The following OR51B5 variants were observed in gnomAD, a reference collection of about 807,000 sequenced individuals.
OR51B5 encodes the protein olfactory receptor family 51 subfamily B member 5, also known as olfactory receptor 51B5.
For synonymous variants in OR51B5, 186 were observed against 144.8 expected (o/e 1.28, Z -2.04); for missense variants, 456 against 374.6 (o/e 1.22, Z -1.79).
At chr11:5,370,522 C>T (rs1849431687) in intron 1 of OR51B5, among the ~76,000 whole-genome samples, 1 of 152,164 alleles carries the variant, frequency 6.6e-6, no homozygotes, top group Non-Finnish European at 1.5e-5. Flanking sequence ...CACTCTCTTT[C>T]TTTCATTCTT....
intron 1 of OR51B5, chr11:5,440,929 C>T (rs1232534638): frequency 6.2e-7 from 1 of 1,613,832 alleles, no homozygotes; most frequent in Non-Finnish European, 8.5e-7. Flanking sequence ...ATGTTGTTAA[C>T]ATGGATGTCT....
chr11:5,376,976 C>T (rs1849537976), intron 1 of OR51B5, among the ~76,000 whole-genome samples: 1 of 152,072 alleles, frequency 6.6e-6, no homozygotes, highest in Non-Finnish European at 1.5e-5. Context: ...CAGCATCATC[C>T]TAATACCAAA....
intron 1 of OR51B5, chr11:5,505,496 C>A (rs1342053670): frequency 2.3e-6 from 3 of 1,279,402 alleles, no homozygotes; most frequent in Non-Finnish European, 1.0e-6. Context: ...TGTATTTGTC[C>A]GTTTTCACGC....
intron 1 of OR51B5, among the ~76,000 whole-genome samples, chr11:5,491,044 T>G (rs10768998): frequency 0.25 from 38,454 of 152,248 alleles, 5,887 homozygotes; most frequent in Non-Finnish European, 0.35. Context: ...TTGCACATAA[T>G]TAATAAGCAC....
chr11:5,471,731 G>T (rs897454047), intron 1 of OR51B5, among the ~76,000 whole-genome samples: 1 of 151,942 alleles, frequency 6.6e-6, no homozygotes, highest in African/African-American at 2.4e-5. Flanking sequence ...AATTGTTTAG[G>T]TAAGTAAAAA....
At chr11:5,341,695 A>G (rs1312477767), downstream of OR51B5, among the ~76,000 whole-genome samples, 1 of 152,196 alleles carries the variant, frequency 6.6e-6, no homozygotes, top group African/African-American at 2.4e-5. Flanking sequence ...TCTTCAAAAA[A>G]ATGCAGAAAC....
intron 1 of OR51B5, among the ~76,000 whole-genome samples, chr11:5,350,628 A>G (rs1057397047): frequency 1.2e-4 from 18 of 152,078 alleles, no homozygotes; most frequent in African/African-American, 4.1e-4. Flanking sequence ...TAAATTACCA[A>G]TTTTTATTTT....
chr11:5,454,644 C>T lies in OR51B5; in HGVS notation n.84+50925G>A, dbSNP rs1341465293. The T allele has an allele frequency of 7.5e-6, 3 of 398,222 alleles. No homozygotes were observed. The East Asian group carries it at 1.2e-4, about 15-fold the overall frequency. The allele number at this position is 398,222 out of a possible 1,614,324, so 24.7% of individuals were successfully genotyped here. ...TTCTTAGAAAGATAAATATTGGGGGCAATTGAGTAATTAGACAAGTTTTAC... is the reference window on the plus strand; with the variant it reads ...TTCTTAGAAAGATAAATATTGGGGGTAATTGAGTAATTAGACAAGTTTTAC... On this transcript the variant is annotated intron_variant and non_coding_transcript_variant, in intron 1 of 4. Coordinates refer to the OR51B5 transcript ENST00000415970.
At chr11:5,490,716 T>C (rs536130918) in intron 1 of OR51B5, among the ~76,000 whole-genome samples, 9 of 152,318 alleles carry the variant, frequency 5.9e-5, no homozygotes, top group African/African-American at 2.2e-4. Context: ...TCTCATACAC[T>C]GTCCAGTATT....
intron 1 of OR51B5, among the ~76,000 whole-genome samples, chr11:5,439,163 G>A (rs768195058): frequency 6.6e-6 from 1 of 151,900 alleles, no homozygotes; most frequent in Non-Finnish European, 1.5e-5. Flanking sequence ...GTTGGAGTTT[G>A]CCTGAATTTT....
intron 1 of OR51B5, among the ~76,000 whole-genome samples, chr11:5,349,957 G>C (rs1051137270): frequency 1.1e-4 from 17 of 151,828 alleles, no homozygotes; most frequent in Admixed American, 3.3e-4. Flanking sequence ...TTTATTTAAA[G>C]TCAAACACAG....
intron 1 of OR51B5, chr11:5,389,635 C>T: frequency 1.2e-6 from 2 of 1,613,692 alleles, no homozygotes; most frequent in Non-Finnish European, 1.7e-6. Flanking sequence ...CCTTGCTGGC[C>T]CTCACTGACC....
At position 5,343,253 on chromosome 11, in the gene OR51B5, C is replaced by T. The variant is rs762254800; in HGVS notation, c.272G>A (p.Gly91Glu). The change falls in exon 1 of 1, where the codon GGA becomes GAA. Residue 91 changes from glycine to glutamate, a missense_variant. Physicochemically the swap from Gly to Glu is moderately conservative, Grantham distance 98. Transcript: ENST00000300773. ...GGCCTGGGAAAAGCAGGCCGCACTT[C>T]CAATCTCCCTGTGATCCAGCCAGAG... is the stretch of plus-strand genomic sequence containing the variant. 1.0e-4 allele frequency: 161 copies of T among 1,613,618 alleles called. 4 individuals carry two copies. In the South Asian group the frequency reaches 1.7e-3, roughly 17 times the overall value.
intron 1 of OR51B5, among the ~76,000 whole-genome samples, chr11:5,368,074 C>T (rs1304414857): frequency 6.6e-6 from 1 of 152,140 alleles, no homozygotes; most frequent in Non-Finnish European, 1.5e-5. Flanking sequence ...CTATGGAGAC[C>T]CAGGCTCACT....
At chr11:5,421,176 C>T (rs544783496) in intron 1 of OR51B5, among the ~76,000 whole-genome samples, 2 of 152,346 alleles carry the variant, frequency 1.3e-5, no homozygotes, top group African/African-American at 4.8e-5. Context: ...ATTTACTGGG[C>T]TCCCTGTGGG....
Position 5,390,038 on chromosome 11 carries a change from G to A in OR51B5, n.85-43128C>T, listed in dbSNP as rs544105618. The A allele has an allele frequency of 2.5e-6, 4 of 1,613,630 alleles. No individual in the cohort carries two copies. In the African/African-American group the frequency reaches 4.0e-5, roughly 16 times the overall value. The stretch of plus-strand genomic sequence containing the variant: ...CTTCAATAATCTGTATGGACTGATG[G>A]TGGTAGTTTTCACTGTGATGCTGGA... On this transcript the variant is annotated intron_variant and non_coding_transcript_variant, in intron 1 of 4. Coordinates refer to the OR51B5 transcript ENST00000415970.
At chr11:5,351,254 T>G (rs1205401697) in intron 1 of OR51B5, among the ~76,000 whole-genome samples, 36 of 152,230 alleles carry the variant, frequency 2.4e-4, no homozygotes, top group Admixed American at 2.4e-3. Flanking sequence ...TTATTCTGCA[T>G]GAATAGCTGT....
intron 1 of OR51B5, among the ~76,000 whole-genome samples, chr11:5,473,218 G>GA (rs1474237629): frequency 3.3e-5 from 5 of 151,992 alleles, no homozygotes; most frequent in African/African-American, 9.7e-5. Context: ...TTATATGCCA[G>GA]AAAAAAAATC....
chr11:5,433,130 T>C (rs961734120), intron 1 of OR51B5, among the ~76,000 whole-genome samples: 4 of 152,138 alleles, frequency 2.6e-5, no homozygotes, highest in African/African-American at 9.7e-5. Context: ...CAAACAGAGT[T>C]TAGGAAAACT....
Sources: allele counts gnomAD v4.1 joint callset (sites outside exome capture counted in the v4.1 genomes callset), GRCh38; gene constraint gnomAD v4.1.1; transcripts MANE v1.5; gene names NCBI Gene and HGNC (gene_info 2026-07-23, HGNC 2026-07-21).